GADL1: variants seen among roughly 807,000 people sequenced by gnomAD.
The protein encoded by GADL1 is GAD like acidic amino acid decarboxylase 1.
Under a neutral mutation model 69.5 loss-of-function variants are expected in GADL1, and 71 were observed. That is an observed-to-expected ratio of 1.02 (90% CI 0.84 to 1.25). GADL1 has a LOEUF of 1.25. Ranked by LOEUF, GADL1 falls within the 50% of genes most tolerant of loss-of-function variation. The pLI, the probability that GADL1 is intolerant of heterozygous loss-of-function variation, is 0.00. For missense variants in GADL1, 737 were observed against 631.8 expected (o/e 1.17, Z -1.79); for synonymous variants, 254 against 214.4 (o/e 1.18, Z -1.62).
chr3:30,740,986 A>T (rs866931175), intron 14 of GADL1, among the ~76,000 whole-genome samples: 4 of 93,508 alleles, frequency 4.3e-5, no homozygotes, highest in South Asian at 7.4e-4. Context: ...AATATATATT[A>T]TATATTATAT....
At chr3:30,855,700 A>G (rs1460379230) in intron 3 of GADL1, among the ~76,000 whole-genome samples, 1 of 151,998 alleles carries the variant, frequency 6.6e-6, no homozygotes, top group East Asian at 1.9e-4. Flanking sequence ...CTGGCTTGGC[A>G]TTCTCAATCT....
intron 8 of GADL1, among the ~76,000 whole-genome samples, chr3:30,840,350 G>C (rs904287998): frequency 1.3e-5 from 2 of 152,048 alleles, no homozygotes; most frequent in Admixed American, 6.6e-5. Flanking sequence ...TCAAAGTGGT[G>C]GTATATAACA....
chr3:30,833,633 TA>T (rs1319236486), intron 11 of GADL1, among the ~76,000 whole-genome samples: 9 of 152,062 alleles, frequency 5.9e-5, no homozygotes, highest in Non-Finnish European at 1.3e-4. Flanking sequence ...AATGAGATTA[TA>T]TAATACCTAA....
Position 30,894,584 on chromosome 3 carries a change from C to G in GADL1, c.31G>C (p.Val11Leu), listed in dbSNP as rs1318451641. 7 of 1,550,934 alleles carry G rather than the reference C, an allele frequency of 4.5e-6. No homozygotes were observed. The highest frequency in any genetic ancestry group is 2.4e-5 in the East Asian group (1 of 40,846). Residue 11 changes from valine (V) to leucine (L), a missense_variant, in exon 1 of 15, where the codon GTG (valine) becomes CTG (leucine). Val to Leu is a conservative substitution (Grantham distance 32). Coordinates refer to ENST00000282538, the MANE Select transcript of GADL1 (RefSeq NM_207359.3). Reference sequence around the variant, plus strand: ...AGCCGCGCTGAGTCGTTACCGTCCACAGGACACTGGCGGTCCGAGTCGCTG... The same window carrying G: ...AGCCGCGCTGAGTCGTTACCGTCCAGAGGACACTGGCGGTCCGAGTCGCTG... MSSDSDRQCP[V>L]DGDIDQQEMI...
At chr3:30,850,969 T>G (rs1698137751) in intron 4 of GADL1, 28 bp from the exon 5 acceptor site, 5 of 1,282,762 alleles carry the variant, frequency 3.9e-6, no homozygotes, top group Admixed American at 4.1e-5. Flanking sequence ...ACACTTCACT[T>G]CTATGACTAG....
At chr3:30,851,987 C>A (rs548991183) in intron 4 of GADL1, among the ~76,000 whole-genome samples, 1 of 152,246 alleles carries the variant, frequency 6.6e-6, no homozygotes, top group African/African-American at 2.4e-5. Context: ...TATCTATGAT[C>A]TCCTTTTCAA....
At chr3:30,757,233 G>C (rs779443207) in intron 14 of GADL1, among the ~76,000 whole-genome samples, 1 of 152,224 alleles carries the variant, frequency 6.6e-6, no homozygotes, top group South Asian at 2.1e-4. Context: ...TAAGTATGCT[G>C]TCTCAATCAA....
intron 1 of GADL1, among the ~76,000 whole-genome samples, chr3:30,878,801 T>G (rs1698608715): frequency 6.6e-6 from 1 of 151,936 alleles, no homozygotes; most frequent in Admixed American, 6.6e-5. Context: ...ATCCTTATTA[T>G]GTTCTTTAAT....
intron 14 of GADL1, among the ~76,000 whole-genome samples, chr3:30,775,275 A>G (rs1270455637): frequency 1.3e-5 from 2 of 152,214 alleles, no homozygotes; most frequent in African/African-American, 4.8e-5. Context: ...AGCGATTCTG[A>G]AATGTGACAG....
intron 12 of GADL1, among the ~76,000 whole-genome samples, chr3:30,794,289 C>T (rs1460929075): frequency 1.6e-5 from 1 of 64,070 alleles, no homozygotes; most frequent in Non-Finnish European, 3.0e-5. Flanking sequence ...AGTGGGAGTT[C>T]CTGAGCTGTT....
At chr3:30,747,851 T>C (rs1347270783) in intron 14 of GADL1, among the ~76,000 whole-genome samples, 2 of 152,176 alleles carry the variant, frequency 1.3e-5, no homozygotes, top group Non-Finnish European at 2.9e-5. Context: ...TGACTGCCTT[T>C]GCCAGAGAGT....
At position 30,771,557 on chromosome 3, in the gene GADL1, A is replaced by G. The variant is rs1049483311; in HGVS notation, c.1392+6622T>C. On this transcript the variant is annotated intron_variant, in intron 14 of 14. Transcript: ENST00000282538. ...CACTTTGATATTAGACTCTTTAAACATAAATTTTAAAGTACAGCTTGAAAG... is the reference window on the plus strand; with the variant it reads ...CACTTTGATATTAGACTCTTTAAACGTAAATTTTAAAGTACAGCTTGAAAG... Among the ~76,000 whole-genome samples the G allele has an allele frequency of 4.6e-5, 7 of 152,336 alleles. No homozygotes were observed. In the South Asian group the frequency reaches 1.5e-3, roughly 32 times the overall value.
intron 11 of GADL1, among the ~76,000 whole-genome samples, chr3:30,802,674 G>A (rs903347131): frequency 3.3e-4 from 50 of 152,330 alleles, no homozygotes; most frequent in Non-Finnish European, 3.1e-4. Context: ...ATTGTCTTGT[G>A]TAGATACTAC....
In GADL1 at chr3:30,779,348, A is replaced by G. The variant is rs146196380; in HGVS notation, c.1303-1080T>C. 6.6e-4 allele frequency among the ~76,000 whole-genome samples: 101 copies of G among 152,370 alleles called. No individual in the cohort carries two copies. In the Middle Eastern group the frequency reaches 0.034, roughly 51 times the overall value. ...TGCCATAAACAGTTTGTAATAACCAATGTTGCAACAGTTCTCAATAACTGT... is the reference window on the plus strand; with the variant it reads ...TGCCATAAACAGTTTGTAATAACCAGTGTTGCAACAGTTCTCAATAACTGT... On this transcript the variant is annotated intron_variant, in intron 13 of 14. Coordinates refer to ENST00000282538, the MANE Select transcript of GADL1 (RefSeq NM_207359.3).
At chr3:30,775,991 T>C (rs1696527525) in intron 14 of GADL1, among the ~76,000 whole-genome samples, 1 of 151,990 alleles carries the variant, frequency 6.6e-6, no homozygotes, top group Non-Finnish European at 1.5e-5. Context: ...AGACTAGGGA[T>C]GTGGGAATCG....
intron 12 of GADL1, among the ~76,000 whole-genome samples, chr3:30,796,097 G>T (rs1697027412): frequency 6.6e-6 from 1 of 152,142 alleles, no homozygotes; most frequent in African/African-American, 2.4e-5. Context: ...TCCACCCTGA[G>T]ATGAATGTTA....
rs531695275 is a variant in GADL1 at position 30,827,634 on chromosome 3, TTG to T, written c.1050+6217_1050+6218del. On this transcript the variant is annotated intron_variant, in intron 11 of 14. Coordinates refer to ENST00000282538, the MANE Select transcript of GADL1 (RefSeq NM_207359.3). ...AAGAAAGCAGAAATGACAGAGGTGT[TTG>T]TGATTACTGATGAAATCGTTTTTTA... Among the ~76,000 whole-genome samples the T allele has an allele frequency of 2.8e-4, 43 of 152,048 alleles. No homozygotes were observed. The East Asian group carries it at 7.8e-3, about 28-fold the overall frequency.
intron 14 of GADL1, among the ~76,000 whole-genome samples, chr3:30,753,686 AAT>A (rs1210623601): frequency 1.3e-5 from 2 of 152,344 alleles, no homozygotes; most frequent in Non-Finnish European, 2.9e-5. Flanking sequence ...ATATTTAGAT[AAT>A]ATGAGGAAAC....
At chr3:30,819,925 A>T (rs1019815324) in intron 11 of GADL1, among the ~76,000 whole-genome samples, 1 of 152,090 alleles carries the variant, frequency 6.6e-6, no homozygotes, top group African/African-American at 2.4e-5. Context: ...TGAACACAGA[A>T]TTATCTACCC....
Sources: allele counts gnomAD v4.1 joint callset (sites outside exome capture counted in the v4.1 genomes callset), GRCh38; gene constraint gnomAD v4.1.1; transcripts MANE v1.5; gene names NCBI Gene and HGNC (gene_info 2026-07-23, HGNC 2026-07-21).